Variants in PRKCQ observed in about 807,000 individuals in gnomAD.
PRKCQ encodes protein kinase C theta.
PRKCQ carries 41 observed loss-of-function variants against 91.2 expected under a neutral mutation model. That is an observed-to-expected ratio of 0.45 (90% confidence interval 0.35 to 0.58). The LOEUF is 0.58. PRKCQ is among the 20% of genes least tolerant of loss of function. The probability of loss-of-function intolerance (pLI) is 0.00; values close to 1 mark genes in which losing one functional copy is unlikely to be tolerated. For synonymous variants in PRKCQ, 307 were observed against 316.9 expected (o/e 0.97, Z 0.33); for missense variants, 673 against 896.5 (o/e 0.75, Z 3.18).
intron 1 of PRKCQ, among the ~76,000 whole-genome samples, chr10:6,578,023 G>A (rs1354856566): frequency 6.6e-6 from 1 of 152,200 alleles, no homozygotes; most frequent in Admixed American, 6.5e-5. Flanking sequence ...GACAGCATGT[G>A]TTAGAATGAG....
intron 1 of PRKCQ, among the ~76,000 whole-genome samples, chr10:6,533,830 T>C (rs979449268): frequency 6.6e-6 from 1 of 152,164 alleles, no homozygotes; most frequent in Non-Finnish European, 1.5e-5. Flanking sequence ...AGCTAAAACC[T>C]ACATTAAAGC....
At chr10:6,526,086 C>A (rs11259387) in intron 1 of PRKCQ, among the ~76,000 whole-genome samples, 48,155 of 152,112 alleles carry the variant, frequency 0.32, 7,764 homozygotes, top group East Asian at 0.38. Flanking sequence ...CAATGCCCAG[C>A]ACATAGTAAG....
chr10:6,415,747 T>TCTC, the PRKCQ span, among the ~76,000 whole-genome samples: 42 of 120,608 alleles, frequency 3.5e-4, no homozygotes, highest in Middle Eastern at 4.0e-3. Context: ...TCTCTCTCTC[T>TCTC]TTTTTTTTTT....
intron 16 of PRKCQ, among the ~76,000 whole-genome samples, chr10:6,433,924 G>A (rs564043595): frequency 1.3e-5 from 2 of 151,726 alleles, no homozygotes; most frequent in Admixed American, 6.6e-5. Context: ...CCAGCTATGC[G>A]GGAGGCTGAG....
chr10:6,480,719 A>G (rs1445118658), intron 11 of PRKCQ, among the ~76,000 whole-genome samples: 1 of 152,216 alleles, frequency 6.6e-6, no homozygotes. Context: ...AAATTCAGTC[A>G]TTTGTCATTT....
intron 1 of PRKCQ, among the ~76,000 whole-genome samples, chr10:6,550,129 T>A (rs1428528022): frequency 6.6e-6 from 1 of 152,226 alleles, no homozygotes; most frequent in Non-Finnish European, 1.5e-5. Flanking sequence ...ATTTGACTAC[T>A]TGAGATACTT....
chr10:6,535,361 CA>C (rs765095694), intron 1 of PRKCQ, among the ~76,000 whole-genome samples: 29 of 152,122 alleles, frequency 1.9e-4, no homozygotes, highest in Non-Finnish European at 4.0e-4. Flanking sequence ...ATTTAAGAAA[CA>C]GCAAAAATTT....
At chr10:6,424,344 A>C (rs1833068461), downstream of PRKCQ, among the ~76,000 whole-genome samples, 1 of 152,194 alleles carries the variant, frequency 6.6e-6, no homozygotes, top group Admixed American at 6.5e-5. Flanking sequence ...CTGTCCTCTC[A>C]TCTAGCTCGA....
At chr10:6,496,341 C>A (rs565660) in intron 7 of PRKCQ, among the ~76,000 whole-genome samples, 41,463 of 151,932 alleles carry the variant, frequency 0.27, 7,024 homozygotes, top group South Asian at 0.44. Context: ...GCCCAGTTTC[C>A]CCCCTCCATT....
At chr10:6,431,356 C>T (rs901047211) in intron 16 of PRKCQ, among the ~76,000 whole-genome samples, 10 of 152,078 alleles carry the variant, frequency 6.6e-5, no homozygotes, top group African/African-American at 1.9e-4. Context: ...GCACATGTGA[C>T]GGCATACACA....
intron 11 of PRKCQ, 38 bp from the exon 12 acceptor site, chr10:6,479,203 T>C: frequency 6.2e-7 from 1 of 1,603,598 alleles, no homozygotes; most frequent in Non-Finnish European, 8.5e-7. Context: ...ATTTTAGAAT[T>C]TGGATTCCCA....
chr10:6,491,726 C>T lies in PRKCQ; in HGVS notation c.747G>A (p.Gly249=). 1.2e-6 allele frequency: 2 copies of T among 1,614,218 alleles called. No individual in the cohort carries two copies. The highest frequency in any genetic ancestry group is 2.2e-5 in the South Asian group (2 of 91,078). ...YKSPTFCEHC[G]TLLWGLARQG... ...GCCGTGCCAGTCCCCACAGCAGGGTCCCACAGTGTTCACAGAAGGTCGGGC... is the reference window on the plus strand; with the variant it reads ...GCCGTGCCAGTCCCCACAGCAGGGTTCCACAGTGTTCACAGAAGGTCGGGC... Residue 249 remains glycine (G), a synonymous_variant, in exon 8 of 18, where the codon GGG becomes GGA. Transcript: ENST00000263125.
intron 1 of PRKCQ, among the ~76,000 whole-genome samples, chr10:6,551,501 A>C (rs962969057): frequency 2.0e-5 from 3 of 148,750 alleles, no homozygotes; most frequent in Admixed American, 6.8e-5. Context: ...GGTTCATGCC[A>C]TTCTCCTGCC....
intron 1 of PRKCQ, among the ~76,000 whole-genome samples, chr10:6,538,831 C>T (rs942179899): frequency 2.0e-5 from 3 of 152,072 alleles, no homozygotes; most frequent in South Asian, 4.2e-4. Flanking sequence ...GCTCTGTCAC[C>T]CAGTTCACTG....
intron 1 of PRKCQ, among the ~76,000 whole-genome samples, chr10:6,551,387 C>CT (rs1011256014): frequency 1.6e-4 from 24 of 145,460 alleles, no homozygotes; most frequent in East Asian, 8.0e-4. Context: ...ACCACATTTT[C>CT]TTTTTTTTTT....
chr10:6,483,359 T>G (rs191129879), intron 11 of PRKCQ, 81 bp downstream of exon 11: 374 of 1,549,608 alleles, frequency 2.4e-4, no homozygotes, highest in Non-Finnish European at 3.1e-4. Flanking sequence ...AGTGGCCCTA[T>G]GAGTTTAATT....
intron 1 of PRKCQ, among the ~76,000 whole-genome samples, chr10:6,549,434 C>T (rs146405219): frequency 1.3e-4 from 20 of 152,068 alleles, no homozygotes; most frequent in Admixed American, 1.1e-3. Flanking sequence ...CAGAAACAGT[C>T]GACTTATTTT....
chr10:6,438,441 T>C (rs1446711782), intron 16 of PRKCQ, among the ~76,000 whole-genome samples: 1 of 152,272 alleles, frequency 6.6e-6, no homozygotes, highest in Non-Finnish European at 1.5e-5. Flanking sequence ...TCTTATCCTA[T>C]TCCCATTTTC....
At chr10:6,546,168 G>A (rs1472888652) in intron 1 of PRKCQ, among the ~76,000 whole-genome samples, 1 of 152,198 alleles carries the variant, frequency 6.6e-6, no homozygotes, top group African/African-American at 2.4e-5. Flanking sequence ...AATGTTAGGT[G>A]TTACTCATGA....
Sources: allele counts gnomAD v4.1 joint callset (sites outside exome capture counted in the v4.1 genomes callset), GRCh38; gene constraint gnomAD v4.1.1; transcripts MANE v1.5; gene names NCBI Gene and HGNC (gene_info 2026-07-23, HGNC 2026-07-21).